PALS2: variants seen among roughly 807,000 people sequenced by gnomAD.
The protein encoded by PALS2 is protein associated with LIN7 2, MAGUK p55 family member.
In PALS2, 27 loss-of-function variants were observed where a neutral mutation model predicts 61.6. The observed-to-expected ratio is 0.44, with a 90% CI of 0.32 to 0.60. PALS2 has a LOEUF of 0.60. PALS2 is among the 20% of genes least tolerant of loss of function. The probability of loss-of-function intolerance (pLI) is 0.05; values close to 1 mark genes in which losing one functional copy is unlikely to be tolerated. For missense variants in PALS2, 554 were observed against 639.4 expected (o/e 0.87, Z 1.44); for synonymous variants, 236 against 218.6 (o/e 1.08, Z -0.70).
chr7:24,680,387 C>T lies in PALS2; in HGVS notation c.1318-5C>T, dbSNP rs1398765921. On this transcript the variant is annotated splice_region_variant and splice_polypyrimidine_tract_variant and intron_variant, in intron 10 of 11. Transcript: ENST00000222644. ...AAATTGGCTTATAATTATTCTTTTA[C>T]ACAGGCACTGAAAGTATTGAGGACA... 6.2e-7 allele frequency: 1 copy of T among 1,610,198 alleles called. No individual in the cohort carries two copies. Among genetic ancestry groups the T allele is most frequent in the African/African-American group, 1.3e-5 (1 of 74,826 alleles).
At chr7:24,626,192 A>G (rs1309684756) in intron 2 of PALS2, among the ~76,000 whole-genome samples, 1 of 152,200 alleles carries the variant, frequency 6.6e-6, no homozygotes, top group Non-Finnish European at 1.5e-5. Context: ...TTTAGGATCA[A>G]AAATACAGTA....
chr7:24,683,883 C>T lies in PALS2; in HGVS notation c.1446+3363C>T, dbSNP rs542725956. On this transcript the variant is annotated intron_variant, in intron 11 of 11. Transcript: ENST00000222644. ...TTATTTTATCTTATATGTCTAATTCCTTTCTCTTATGCTGAATATCCCTTC... is the reference window on the plus strand; with the variant it reads ...TTATTTTATCTTATATGTCTAATTCTTTTCTCTTATGCTGAATATCCCTTC... Among the ~76,000 whole-genome samples, 21 of 152,202 alleles carry T rather than the reference C, an allele frequency of 1.4e-4. 1 individual carries two copies. In the South Asian group the frequency reaches 4.4e-3, roughly 32 times the overall value.
chr7:24,626,341 A>G (rs1470430344), intron 2 of PALS2, among the ~76,000 whole-genome samples: 23 of 152,324 alleles, frequency 1.5e-4, no homozygotes, highest in Non-Finnish European at 1.5e-4. Flanking sequence ...TATGTGAAAC[A>G]TACTCAAAAT....
At chr7:24,669,922 C>G (rs895585843) in intron 9 of PALS2, among the ~76,000 whole-genome samples, 3 of 152,152 alleles carry the variant, frequency 2.0e-5, no homozygotes, top group African/African-American at 4.8e-5. Flanking sequence ...TCGCTTTTAT[C>G]AAATTCATAT....
intron 1 of PALS2, among the ~76,000 whole-genome samples, chr7:24,581,685 G>A (rs1382372522): frequency 6.6e-6 from 1 of 152,174 alleles, no homozygotes; most frequent in African/African-American, 2.4e-5. Flanking sequence ...AGTGCACAGG[G>A]CAGCCCCCCT....
chr7:24,670,925 A>G (rs1462033215), intron 9 of PALS2, among the ~76,000 whole-genome samples: 1 of 152,180 alleles, frequency 6.6e-6, no homozygotes, highest in East Asian at 1.9e-4. Context: ...TTATATATTC[A>G]TCAGTTGATG....
At chr7:24,598,595 TA>T (rs1783605345) in intron 1 of PALS2, among the ~76,000 whole-genome samples, 4 of 152,356 alleles carry the variant, frequency 2.6e-5, no homozygotes, top group East Asian at 3.9e-4. Context: ...AAACTTAAAA[TA>T]ACCTGTTCAT....
intron 6 of PALS2, among the ~76,000 whole-genome samples, chr7:24,665,191 T>C (rs1427045901): frequency 6.6e-6 from 1 of 152,216 alleles, no homozygotes; most frequent in East Asian, 1.9e-4. Flanking sequence ...CCTTTTCATT[T>C]GGTTTGGCCT....
rs1160407548 is a variant in PALS2, at chr7:24,687,618, T to A, written c.*4T>A. The A allele has an allele frequency of 6.3e-7, 1 of 1,592,662 alleles. No homozygotes were observed. On this transcript the variant is annotated 3_prime_UTR_variant, in exon 12 of 12. Coordinates refer to ENST00000222644, the MANE Select transcript of PALS2 (RefSeq NM_001303037.2). The surrounding 1 kb of genome is among the most constrained non-coding windows in gnomAD (Gnocchi z 4.5). Reference sequence around the variant, plus strand: ...CCCAATCAGCTGGGTTTACTGATGATTCAGTAAGGTTAACAATGAAAATTA... The same window carrying A: ...CCCAATCAGCTGGGTTTACTGATGAATCAGTAAGGTTAACAATGAAAATTA...
At chr7:24,635,827 C>T (rs1785207256) in intron 2 of PALS2, among the ~76,000 whole-genome samples, 1 of 152,012 alleles carries the variant, frequency 6.6e-6, no homozygotes, top group Admixed American at 6.6e-5. Flanking sequence ...TTTAGATGGC[C>T]TTTTTCTTAC....
At chr7:24,607,963 G>C (rs1783980461) in intron 1 of PALS2, among the ~76,000 whole-genome samples, 3 of 152,064 alleles carry the variant, frequency 2.0e-5, no homozygotes, top group South Asian at 2.1e-4. Context: ...GACTTCTTTA[G>C]GGGAGAAGAT....
At chr7:24,645,865 T>A (rs1220807185) in intron 3 of PALS2, among the ~76,000 whole-genome samples, 1 of 152,190 alleles carries the variant, frequency 6.6e-6, no homozygotes, top group South Asian at 2.1e-4. Context: ...AGGTAATTTA[T>A]TCTTTTTGTG....
chr7:24,640,800 A>C (rs1785496704), intron 2 of PALS2, among the ~76,000 whole-genome samples: 1 of 151,980 alleles, frequency 6.6e-6, no homozygotes, highest in African/African-American at 2.4e-5. Context: ...CGAGGTCAGG[A>C]GATCAAGACC....
At chr7:24,639,414 A>AC (rs1785401595) in intron 2 of PALS2, among the ~76,000 whole-genome samples, 1 of 151,922 alleles carries the variant, frequency 6.6e-6, no homozygotes, top group African/African-American at 2.4e-5. Flanking sequence ...ATACACACAC[A>AC]CACACACACA....
intron 2 of PALS2, among the ~76,000 whole-genome samples, chr7:24,638,409 C>T (rs1785353177): frequency 2.8e-5 from 1 of 35,492 alleles, no homozygotes; most frequent in Non-Finnish European, 3.9e-5. Context: ...CGGCTCACTG[C>T]AAGCTCCGCC....
intron 2 of PALS2, among the ~76,000 whole-genome samples, chr7:24,624,919 T>C (rs949089636): frequency 6.6e-6 from 1 of 152,086 alleles, no homozygotes; most frequent in Non-Finnish European, 1.5e-5. Context: ...GAGTCTTCAT[T>C]TTATTTACGT....
At chr7:24,665,767 G>A in intron 7 of PALS2, 80 bp downstream of exon 7, 3 of 1,279,656 alleles carry the variant, frequency 2.3e-6, no homozygotes, top group Admixed American at 2.0e-5. Flanking sequence ...ATAAGCAAAT[G>A]CATTTATTTA....
In PALS2 at chr7:24,583,188, G is replaced by A. The variant is rs771722517; in HGVS notation, c.-3+9595G>A. Among the ~76,000 whole-genome samples, 41 of 152,062 alleles carry A rather than the reference G, an allele frequency of 2.7e-4. No homozygotes were observed. In the Middle Eastern group the frequency reaches 0.014, roughly 50 times the overall value. Reference sequence around the variant, plus strand: ...TTACAAGCGTGAGCCACCGTGCCTGGAAATCATTCATATTTTTATACAAAT... The same window carrying A: ...TTACAAGCGTGAGCCACCGTGCCTGAAAATCATTCATATTTTTATACAAAT... On this transcript the variant is annotated intron_variant, in intron 1 of 11. Transcript: ENST00000222644.
chr7:24,659,836 T>G (rs1786622425), intron 5 of PALS2, among the ~76,000 whole-genome samples: 1 of 152,212 alleles, frequency 6.6e-6, no homozygotes, highest in South Asian at 2.1e-4. Context: ...AAGTACTCAG[T>G]TGAAAACAGA....
Sources: allele counts gnomAD v4.1 joint callset (sites outside exome capture counted in the v4.1 genomes callset), GRCh38; gene constraint gnomAD v4.1.1; non-coding constraint Gnocchi (gnomAD v3.1); transcripts MANE v1.5; gene names NCBI Gene and HGNC (gene_info 2026-07-23, HGNC 2026-07-21).